The following CFTR variants were observed in gnomAD, a reference collection of about 807,000 sequenced individuals.
CFTR encodes CF transmembrane conductance regulator.
In CFTR, 181 loss-of-function variants were observed where a neutral mutation model predicts 171.6. That is an observed-to-expected ratio of 1.05 (90% CI 0.93 to 1.19). The LOEUF (loss-of-function observed/expected upper bound fraction) is 1.19. Ranked by LOEUF, CFTR falls within the 50% of genes most tolerant of loss-of-function variation. The pLI, the probability that CFTR is intolerant of heterozygous loss-of-function variation, is 0.00. For synonymous variants in CFTR, 583 were observed against 608.0 expected (o/e 0.96, Z 0.60); for missense variants, 1,968 against 1,734.7 (o/e 1.13, Z -2.39).
intron 1 of CFTR, among the ~76,000 whole-genome samples, chr7:117,501,206 C>T (rs1267290652): frequency 1.3e-5 from 2 of 152,118 alleles, no homozygotes; most frequent in Non-Finnish European, 2.9e-5. Context: ...AGTGGGAGCA[C>T]ATTTTCCTTT....
chr7:117,497,382 C>G (rs1438099046), intron 1 of CFTR, among the ~76,000 whole-genome samples: 1 of 152,088 alleles, frequency 6.6e-6, no homozygotes, highest in South Asian at 2.1e-4. Flanking sequence ...CAAAGCCAAG[C>G]AGTTGATATG....
chr7:117,525,025 T>A (rs147952685), intron 3 of CFTR, among the ~76,000 whole-genome samples: 1 of 152,290 alleles, frequency 6.6e-6, no homozygotes, highest in African/African-American at 2.4e-5. Context: ...CACTATGCAG[T>A]CATTTGTGTA....
intron 21 of CFTR, among the ~76,000 whole-genome samples, chr7:117,621,196 A>G (rs1328962321): frequency 6.6e-6 from 1 of 152,156 alleles, no homozygotes; most frequent in Non-Finnish European, 1.5e-5. Flanking sequence ...AGGGTGACTG[A>G]GCATGATGTT....
intron 22 of CFTR, among the ~76,000 whole-genome samples, chr7:117,636,262 T>G (rs1299012936): frequency 6.6e-6 from 1 of 152,200 alleles, no homozygotes; most frequent in Non-Finnish European, 1.5e-5. Flanking sequence ...AGGTAAGATG[T>G]TTTTTCCTCT....
chr7:117,635,950 C>T (rs969732342), intron 22 of CFTR, among the ~76,000 whole-genome samples: 1 of 152,020 alleles, frequency 6.6e-6, no homozygotes, highest in African/African-American at 2.4e-5. Flanking sequence ...TTTATTCATT[C>T]TCTAATACAC....
At chr7:117,665,613 G>A in intron 26 of CFTR, 49 bp downstream of exon 26, 1 of 1,143,898 alleles carries the variant, frequency 8.7e-7, no homozygotes, top group Non-Finnish European at 1.3e-6. Flanking sequence ...TGTAATTCTT[G>A]ATAACAATCT....
In CFTR at chr7:117,566,418, G is replaced by A. The variant is rs373539383; in HGVS notation, c.1584+6763G>A. 5.3e-4 allele frequency among the ~76,000 whole-genome samples: 80 copies of A among 152,200 alleles called. No homozygotes were observed. The highest frequency in any genetic ancestry group is 1.8e-3 in the African/African-American group (75 of 41,536). ...CCACTGCACTCTAGCCTGGGTGACA[G>A]AGTGAGACTCTGTCTCAAAAATAAA... On this transcript the variant is annotated intron_variant, in intron 11 of 26. Transcript: ENST00000003084.
chr7:117,590,263 G>A (rs1792005005), intron 12 of CFTR, 90 bp from the exon 13 acceptor site: 10 of 1,455,204 alleles, frequency 6.9e-6, no homozygotes, highest in South Asian at 4.7e-5. Flanking sequence ...ATATTGTAAT[G>A]CATGTAGTGA....
chr7:117,490,839 T>C (rs775600921), intron 1 of CFTR, among the ~76,000 whole-genome samples: 2 of 152,076 alleles, frequency 1.3e-5, no homozygotes, highest in Non-Finnish European at 2.9e-5. Context: ...TCCTTTCCTA[T>C]GAATTAGACC....
chr7:117,625,992 A>G (rs1482412607), intron 21 of CFTR, among the ~76,000 whole-genome samples: 1 of 152,104 alleles, frequency 6.6e-6, no homozygotes, highest in African/African-American at 2.4e-5. Flanking sequence ...TACTTTCTCT[A>G]TCATTATTTA....
chr7:117,629,634 T>C (rs1792707577), intron 22 of CFTR, among the ~76,000 whole-genome samples: 1 of 152,218 alleles, frequency 6.6e-6, no homozygotes, highest in African/African-American at 2.4e-5. Flanking sequence ...GTCTTCTTTC[T>C]TGATTTCTTA....
intron 22 of CFTR, among the ~76,000 whole-genome samples, chr7:117,628,988 G>A (rs1282953904): frequency 1.3e-5 from 2 of 152,028 alleles, no homozygotes; most frequent in Admixed American, 1.3e-4. Context: ...CTGACATCCT[G>A]CCACCCCTTT....
At chr7:117,534,165 C>A (rs1324270741) in intron 4 of CFTR, 111 bp from the exon 5 acceptor site, 4 of 649,104 alleles carry the variant, frequency 6.2e-6, no homozygotes, top group African/African-American at 1.8e-5. Flanking sequence ...TTTTCATTAC[C>A]TTTACTTAAT....
intron 10 of CFTR, among the ~76,000 whole-genome samples, chr7:117,554,188 G>C (rs1435332899): frequency 6.6e-6 from 1 of 152,168 alleles, no homozygotes. Context: ...GAAGCAAGGA[G>C]ATGAGTTAGG....
At chr7:117,556,444 T>TA (rs1393422502) in intron 10 of CFTR, among the ~76,000 whole-genome samples, 3 of 152,082 alleles carry the variant, frequency 2.0e-5, no homozygotes, top group Non-Finnish European at 4.4e-5. Flanking sequence ...GCACTGGAGT[T>TA]ACCTGTTTTG....
At chr7:117,656,574 G>A (rs1372861085) in intron 24 of CFTR, among the ~76,000 whole-genome samples, 1 of 152,112 alleles carries the variant, frequency 6.6e-6, no homozygotes, top group Middle Eastern at 3.2e-3. Flanking sequence ...TGATGGGGAG[G>A]AGAGCTGGAG....
chr7:117,524,485 A>G (rs1260651861), intron 3 of CFTR, among the ~76,000 whole-genome samples: 2 of 152,206 alleles, frequency 1.3e-5, no homozygotes, highest in South Asian at 2.1e-4. Flanking sequence ...GGGGTAAAAT[A>G]TTGATCTAAA....
chr7:117,489,076 A>G (rs1324032583), intron 1 of CFTR, among the ~76,000 whole-genome samples: 1 of 152,090 alleles, frequency 6.6e-6, no homozygotes, highest in African/African-American at 2.4e-5. Context: ...AAAAACAGGT[A>G]ATATTTAGTC....
At chr7:117,482,906 A>G (rs1562877127) in intron 1 of CFTR, among the ~76,000 whole-genome samples, 2 of 152,148 alleles carry the variant, frequency 1.3e-5, no homozygotes, top group African/African-American at 2.4e-5. Flanking sequence ...TATACTGAGG[A>G]ACTGTGGGAA....
Sources: allele counts gnomAD v4.1 joint callset (sites outside exome capture counted in the v4.1 genomes callset), GRCh38; gene constraint gnomAD v4.1.1; transcripts MANE v1.5; gene names NCBI Gene and HGNC (gene_info 2026-07-23, HGNC 2026-07-21).